The following PLAAT5 variants were observed in gnomAD, a reference collection of about 807,000 sequenced individuals.
PLAAT5 encodes Ca(2+)-independent N-acyltransferase.
A neutral mutation model predicts 27.8 loss-of-function variants in PLAAT5; 27 were observed. The ratio of observed to expected loss-of-function variants is 0.97; its 90% CI spans 0.72 to 1.34. The LOEUF (loss-of-function observed/expected upper bound fraction) is 1.34. Among genes scored for constraint, PLAAT5 ranks in the 40% most tolerant of loss-of-function variants. The pLI, the probability that PLAAT5 is intolerant of heterozygous loss-of-function variation, is 0.00. For synonymous variants in PLAAT5, 125 were observed against 136.1 expected (o/e 0.92, Z 0.57); for missense variants, 368 against 343.8 (o/e 1.07, Z -0.56).
In PLAAT5 at chr11:63,490,345, G is replaced by A. The variant is rs777883276; in HGVS notation, c.149-12C>T. ...TCCCACGGATTCTTCTAATTCAAGG[G>A]GGGAAATGCTATTTAGACCTGTGAA... On this transcript the variant is annotated splice_polypyrimidine_tract_variant and intron_variant, in intron 1 of 5. Coordinates refer to ENST00000540857, the MANE Select transcript of PLAAT5 (RefSeq NM_001146729.2). 7 of 1,613,970 alleles carry A rather than the reference G, an allele frequency of 4.3e-6. No individual in the cohort carries two copies. The East Asian group carries it at 8.9e-5, about 21-fold the overall frequency.
At chr11:63,473,555 C>T (rs1028171530) in intron 3 of PLAAT5, among the ~76,000 whole-genome samples, 1 of 152,026 alleles carries the variant, frequency 6.6e-6, no homozygotes, top group Non-Finnish European at 1.5e-5. Flanking sequence ...CATAGGTGCC[C>T]TTTTTCAAGT....
At chr11:63,468,930 C>A (rs2015938537) in intron 3 of PLAAT5, among the ~76,000 whole-genome samples, 1 of 151,836 alleles carries the variant, frequency 6.6e-6, no homozygotes, top group African/African-American at 2.4e-5. Flanking sequence ...CTACCTCAGA[C>A]CCAGGATCCT....
intron 5 of PLAAT5, among the ~76,000 whole-genome samples, chr11:63,465,371 AGTGTGTGTGTGTGTGT>A (rs58014474): frequency 1.3e-3 from 192 of 145,372 alleles, no homozygotes; most frequent in African/African-American, 4.1e-3. Context: ...TCAAACAAAA[AGTGTGTGTGTGTGTGT>A]GTGTGTGTGT....
intron 3 of PLAAT5, among the ~76,000 whole-genome samples, chr11:63,481,363 C>T (rs184588004): frequency 1.6e-4 from 24 of 152,326 alleles, no homozygotes; most frequent in African/African-American, 5.8e-4. Flanking sequence ...TCACTTGAAC[C>T]TGGGAGATGG....
chr11:63,467,824 CA>C (rs1357145267), intron 4 of PLAAT5, among the ~76,000 whole-genome samples: 14 of 152,162 alleles, frequency 9.2e-5, no homozygotes, highest in African/African-American at 3.4e-4. Context: ...GAATCTCAGC[CA>C]TATGTTAAGC....
chr11:63,461,409 G>A lies in PLAAT5; in HGVS notation c.*2094C>T, dbSNP rs1318478860. 2 of 152,124 alleles carry A rather than the reference G, an allele frequency of 1.3e-5. No homozygotes were observed. The allele number at this position is 152,124 out of a possible 1,614,324, so 9.4% of individuals were successfully genotyped here. ...AAGTGAAAAATAAGCACACAAACAA[G>A]TGACTAGTGTTTAATCTCAGAAACA... On this transcript the variant is annotated 3_prime_UTR_variant, in exon 6 of 6. Transcript: ENST00000540857.
Position 63,466,203 on chromosome 11 carries a change from C to T in PLAAT5, c.624G>A (p.Lys208=). ...PVDKIIQRTK[K]MVNKIVQYSL... is the part of the protein sequence containing the mutation. ...TGTACTGCACGATCTTGTTGACCAT[C>T]TTTTTTGTACGCTGGATGATCTTGT... Residue 208 remains lysine, a synonymous_variant, in exon 5 of 6, where the codon AAG becomes AAA. Coordinates refer to ENST00000540857, the MANE Select transcript of PLAAT5 (RefSeq NM_001146729.2). 6.2e-7 allele frequency: 1 copy of T among 1,614,140 alleles called. No homozygotes were observed. Among genetic ancestry groups the T allele is most frequent in the Non-Finnish European group, 8.5e-7 (1 of 1,180,022 alleles).
intron 3 of PLAAT5, among the ~76,000 whole-genome samples, chr11:63,480,288 G>T (rs1431122108): frequency 1.3e-5 from 2 of 152,208 alleles, no homozygotes; most frequent in Non-Finnish European, 2.9e-5. Context: ...CCAATTCATT[G>T]TGAGGCCAAT....
intron 3 of PLAAT5, among the ~76,000 whole-genome samples, chr11:63,473,259 G>A (rs756960025): frequency 1.2e-4 from 18 of 152,116 alleles, no homozygotes; most frequent in East Asian, 1.9e-4. Context: ...GTCAATTGGC[G>A]CCTTTTTTCA....
intron 3 of PLAAT5, among the ~76,000 whole-genome samples, chr11:63,481,574 C>A (rs780549592): frequency 3.9e-5 from 6 of 152,230 alleles, no homozygotes; most frequent in Non-Finnish European, 7.3e-5. Flanking sequence ...GAAACAGGTG[C>A]CCACTTAGAG....
At chr11:63,478,559 C>T (rs1455444216) in intron 3 of PLAAT5, among the ~76,000 whole-genome samples, 4 of 152,132 alleles carry the variant, frequency 2.6e-5, no homozygotes, top group African/African-American at 7.2e-5. Context: ...CTGACCTGCC[C>T]GCCTTGGCCT....
chr11:63,467,231 G>A (rs1309658598), intron 4 of PLAAT5, among the ~76,000 whole-genome samples: 1 of 152,150 alleles, frequency 6.6e-6, no homozygotes, highest in Non-Finnish European at 1.5e-5. Flanking sequence ...TTCAGGAGCA[G>A]AAATGGCAGA....
chr11:63,471,251 CAG>C (rs2120247873), intron 3 of PLAAT5, among the ~76,000 whole-genome samples: 1 of 152,282 alleles, frequency 6.6e-6, no homozygotes, highest in Non-Finnish European at 1.5e-5. Flanking sequence ...TACACTAAAT[CAG>C]AGTGTTGAGT....
intron 3 of PLAAT5, among the ~76,000 whole-genome samples, chr11:63,483,675 G>T (rs1249212222): frequency 1.4e-5 from 2 of 141,488 alleles, no homozygotes; most frequent in Admixed American, 7.1e-5. Flanking sequence ...AAAATCTAAG[G>T]TTACACCTCA....
At chr11:63,486,159 G>T (rs1313688881) in intron 3 of PLAAT5, among the ~76,000 whole-genome samples, 2 of 152,108 alleles carry the variant, frequency 1.3e-5, no homozygotes, top group Non-Finnish European at 2.9e-5. Flanking sequence ...GTGGTGAAAA[G>T]GGAACACTTT....
chr11:63,483,545 A>C (rs2016334579), intron 3 of PLAAT5, among the ~76,000 whole-genome samples: 1 of 150,690 alleles, frequency 6.6e-6, no homozygotes, highest in South Asian at 2.1e-4. Context: ...AAATTTAAAA[A>C]TTCTTTGAAC....
Position 63,469,145 on chromosome 11 carries a change from TGA to T in PLAAT5, c.346-682_346-681del, listed in dbSNP as rs1555025561. Reference sequence around the variant, plus strand: ...GTGTGTGTGTGTGTGTGTGTGTGTGTGAGAGAGAGAGAGAGACAGGTAGAGAG... The same window carrying T: ...GTGTGTGTGTGTGTGTGTGTGTGTGTGAGAGAGAGAGAGACAGGTAGAGAG... On this transcript the variant is annotated intron_variant, in intron 3 of 5. Transcript: ENST00000540857. Among the ~76,000 whole-genome samples the T allele has an allele frequency of 3.9e-3, 480 of 122,760 alleles. 2 individuals are homozygous for T. Among genetic ancestry groups the T allele is most frequent in the East Asian group, 7.3e-3 (33 of 4,538 alleles). 80.5% of individuals were successfully genotyped at this position (122,760 alleles called of 152,430 possible).
At chr11:63,471,638 A>C (rs1400731989) in intron 3 of PLAAT5, among the ~76,000 whole-genome samples, 3 of 152,220 alleles carry the variant, frequency 2.0e-5, no homozygotes. Flanking sequence ...TGAGTGAAGC[A>C]AGAGGTAAGT....
In PLAAT5 at chr11:63,463,414, T is replaced by A; in HGVS notation, c.*89A>T. On this transcript the variant is annotated 3_prime_UTR_variant, in exon 6 of 6. Transcript: ENST00000540857. ...TTCCAGAAGTTCACAATTTTCTTAA[T>A]CGGAGCCATTGAGAGAAGGCAAGGG... 2.1e-6 allele frequency: 2 copies of A among 944,740 alleles called. No homozygotes were observed. The highest frequency in any genetic ancestry group is 3.4e-6 in the Non-Finnish European group (2 of 587,186). The allele number at this position is 944,740 out of a possible 1,614,324, so 58.5% of individuals were successfully genotyped here. A position where few individuals can be genotyped will look rare whatever the true frequency, so the allele number is the denominator to read the frequency against.
Sources: allele counts gnomAD v4.1 joint callset (sites outside exome capture counted in the v4.1 genomes callset), GRCh38; gene constraint gnomAD v4.1.1; transcripts MANE v1.5; gene names NCBI Gene and HGNC (gene_info 2026-07-23, HGNC 2026-07-21).